The following HPSE2 variants were observed in gnomAD, a reference collection of about 807,000 sequenced individuals.
The protein encoded by HPSE2 is inactive heparanase-2.
HPSE2 carries 38 observed loss-of-function variants against 60.5 expected under a neutral mutation model. That is an observed-to-expected ratio of 0.63 (90% CI 0.48 to 0.82). HPSE2 has a LOEUF of 0.82. HPSE2 is among the 40% of genes least tolerant of loss of function. The pLI is 0.00. For synonymous variants in HPSE2, 295 were observed against 293.2 expected (o/e 1.01, Z -0.06); for missense variants, 713 against 740.4 (o/e 0.96, Z 0.43).
intron 3 of HPSE2, among the ~76,000 whole-genome samples, chr10:99,003,152 G>T (rs1458340792): frequency 6.6e-6 from 1 of 151,856 alleles, no homozygotes; most frequent in Non-Finnish European, 1.5e-5. Flanking sequence ...TGTCCTCCAT[G>T]TTCATCCATG....
At chr10:98,715,861 T>C (rs1325808195) in intron 5 of HPSE2, among the ~76,000 whole-genome samples, 3 of 151,998 alleles carry the variant, frequency 2.0e-5, no homozygotes, top group Non-Finnish European at 4.4e-5. Context: ...GGGATGGCTG[T>C]GGCAATTTCT....
At chr10:98,987,647 A>T (rs1293711557) in intron 3 of HPSE2, among the ~76,000 whole-genome samples, 1 of 152,146 alleles carries the variant, frequency 6.6e-6, no homozygotes, top group African/African-American at 2.4e-5. Context: ...TGGCCAGGGC[A>T]ATTAGGCAGG....
intron 11 of HPSE2, among the ~76,000 whole-genome samples, chr10:98,467,499 G>C (rs1481959331): frequency 1.3e-5 from 2 of 152,132 alleles, no homozygotes; most frequent in South Asian, 4.1e-4. Flanking sequence ...GGGAGAGAGG[G>C]AAGGGGGAGA....
chr10:99,292,356 C>T, the HPSE2 span, among the ~76,000 whole-genome samples: 1 of 152,148 alleles, frequency 6.6e-6, no homozygotes. Flanking sequence ...TCTTCTAAGC[C>T]CAGAAGGAAG....
At chr10:98,963,813 A>C (rs1005372228) in intron 3 of HPSE2, among the ~76,000 whole-genome samples, 4 of 152,086 alleles carry the variant, frequency 2.6e-5, no homozygotes, top group African/African-American at 9.7e-5. Flanking sequence ...AATCATGACT[A>C]ATGGAATCAT....
the HPSE2 span, among the ~76,000 whole-genome samples, chr10:99,270,017 A>G: frequency 6.6e-6 from 1 of 152,222 alleles, no homozygotes; most frequent in Non-Finnish European, 1.5e-5. Flanking sequence ...TTAAATGCCT[A>G]CGTGAAAAAG....
chr10:98,774,758 C>A (rs1037684564), intron 3 of HPSE2, among the ~76,000 whole-genome samples: 1 of 152,182 alleles, frequency 6.6e-6, no homozygotes, highest in Non-Finnish European at 1.5e-5. Flanking sequence ...ACGTAGTCTT[C>A]CCCACTGGGC....
At chr10:98,912,899 A>G (rs909171901) in intron 3 of HPSE2, among the ~76,000 whole-genome samples, 1 of 152,192 alleles carries the variant, frequency 6.6e-6, no homozygotes, top group African/African-American at 2.4e-5. Context: ...ACTATAGTCA[A>G]TAATAATTTA....
At chr10:99,178,909 A>C (rs1005691021) in intron 2 of HPSE2, among the ~76,000 whole-genome samples, 2 of 152,218 alleles carry the variant, frequency 1.3e-5, no homozygotes, top group Non-Finnish European at 2.9e-5. Context: ...CACATCCAAA[A>C]ACTTATCCAC....
chr10:98,770,592 A>G (rs1950218930), intron 3 of HPSE2, among the ~76,000 whole-genome samples: 2 of 152,120 alleles, frequency 1.3e-5, no homozygotes, highest in South Asian at 4.2e-4. Context: ...ACTCCCCATG[A>G]GCCTGGCTGA....
chr10:98,597,733 T>C (rs1009620962), intron 9 of HPSE2, among the ~76,000 whole-genome samples: 1 of 150,700 alleles, frequency 6.6e-6, no homozygotes, highest in Non-Finnish European at 1.5e-5. Context: ...CCCAGCATCA[T>C]GGGAGGCTGA....
At chr10:99,132,175 A>G (rs531189072) in intron 3 of HPSE2, among the ~76,000 whole-genome samples, 4 of 41,552 alleles carry the variant, frequency 9.6e-5, no homozygotes, top group African/African-American at 2.9e-4. Context: ...GAAAGAAAGA[A>G]AGAAAGAAAG....
Position 99,036,067 on chromosome 10 carries a change from A to T in HPSE2, c.610+108171T>A, listed in dbSNP as rs920826666. Among the ~76,000 whole-genome samples, 7 of 152,100 alleles carry T rather than the reference A, an allele frequency of 4.6e-5. No homozygotes were observed. In the East Asian group the frequency reaches 5.8e-4, roughly 13 times the overall value. ...TCCTACAAAAAAAAAATTTTTTTTT[A>T]AACTAGGCATAGAACCATGTGCCTA... On this transcript the variant is annotated intron_variant, in intron 3 of 11. Coordinates refer to ENST00000370552, the MANE Select transcript of HPSE2 (RefSeq NM_021828.5).
At position 98,929,506 on chromosome 10, in the gene HPSE2, G is replaced by A. The variant is rs1040468880; in HGVS notation, c.611-185450C>T. 1.1e-4 allele frequency among the ~76,000 whole-genome samples: 16 copies of A among 143,774 alleles called. 2 individuals are homozygous for A. The highest frequency in any genetic ancestry group is 8.5e-4 in the South Asian group (4 of 4,730). 94.3% of individuals were successfully genotyped at this position (143,774 alleles called of 152,430 possible). A position where few individuals can be genotyped will look rare whatever the true frequency, so the allele number is the denominator to read the frequency against. On this transcript the variant is annotated intron_variant, in intron 3 of 11. Coordinates refer to ENST00000370552, the MANE Select transcript of HPSE2 (RefSeq NM_021828.5). ...TAAAGCTATCTTCATATTGAACAAC[G>A]AGAAGATAAGCCCAGTTTTGTAAAG... is the stretch of plus-strand genomic sequence containing the variant.
At chr10:98,684,583 T>TGA (rs1485534612) in intron 6 of HPSE2, among the ~76,000 whole-genome samples, 2 of 152,052 alleles carry the variant, frequency 1.3e-5, no homozygotes, top group Non-Finnish European at 2.9e-5. Flanking sequence ...TCTTGGAGGA[T>TGA]GAGAAAAGTA....
the HPSE2 span, among the ~76,000 whole-genome samples, chr10:99,310,094 C>T: frequency 6.6e-6 from 1 of 152,204 alleles, no homozygotes; most frequent in African/African-American, 2.4e-5. Flanking sequence ...CTTCACATTG[C>T]CTTCTGCTCT....
rs1340472355 is a variant in HPSE2, at chr10:98,607,024, T to C, written c.1320+7880A>G. ...AACCTAGCAAAGGACATTTCTTTTT[T>C]TCCTCTTCCTGCTTTCCTTTCTTTT... is the stretch of plus-strand genomic sequence containing the variant. On this transcript the variant is annotated intron_variant, in intron 9 of 11. Transcript: ENST00000370552. Among the ~76,000 whole-genome samples, 3 of 152,158 alleles carry C rather than the reference T, an allele frequency of 2.0e-5. No individual in the cohort carries two copies. The East Asian group carries it at 5.8e-4, about 29-fold the overall frequency.
chr10:99,164,901 T>C (rs549125887), intron 2 of HPSE2, among the ~76,000 whole-genome samples: 2 of 151,312 alleles, frequency 1.3e-5, no homozygotes, highest in African/African-American at 4.9e-5. Flanking sequence ...CTGGCTAACA[T>C]GGTGAAACCC....
chr10:99,077,457 T>C (rs1842984170), intron 3 of HPSE2, among the ~76,000 whole-genome samples: 1 of 152,106 alleles, frequency 6.6e-6, no homozygotes, highest in African/African-American at 2.4e-5. Context: ...TAATTTGTCT[T>C]CGAGTTTACT....
Sources: gnomAD v4.1 joint callset for allele counts (sites outside exome capture counted in the v4.1 genomes callset) on GRCh38, gnomAD v4.1.1 for gene constraint, MANE v1.5 for transcripts, NCBI Gene and HGNC (gene_info 2026-07-23, HGNC 2026-07-21) for gene names.